Variants in PAX3 observed in about 807,000 individuals in gnomAD.
PAX3 encodes paired box protein Pax-3.
In PAX3, 14 loss-of-function variants were observed where a neutral mutation model predicts 51.6. The ratio of observed to expected loss-of-function variants is 0.27; its 90% CI spans 0.18 to 0.42. PAX3 has a LOEUF of 0.42. PAX3 is among the 10% of genes least tolerant of loss of function. The pLI, the probability that PAX3 is intolerant of heterozygous loss-of-function variation, is 1.00. For missense variants in PAX3, 540 were observed against 642.8 expected (o/e 0.84, Z 1.73); for synonymous variants, 280 against 253.4 (o/e 1.11, Z -1.00).
intron 5 of PAX3, among the ~76,000 whole-genome samples, chr2:222,223,755 G>T (rs1403451378): frequency 2.0e-5 from 3 of 152,182 alleles, no homozygotes; most frequent in African/African-American, 4.8e-5. Context: ...CAAAAGTTTT[G>T]ATGTAACTTC....
intron 4 of PAX3, among the ~76,000 whole-genome samples, chr2:222,278,484 C>T (rs1285321285): frequency 6.6e-6 from 1 of 152,230 alleles, no homozygotes; most frequent in Admixed American, 6.5e-5. Flanking sequence ...CAGTTCCTTC[C>T]TAGTCTATGG....
chr2:222,242,472 C>T (rs1032915935), intron 4 of PAX3: 5 of 152,168 alleles, frequency 3.3e-5, no homozygotes, highest in African/African-American at 1.2e-4. Flanking sequence ...TGGAGGGATA[C>T]TGTCATCCCC....
At chr2:222,220,497 T>C in intron 6 of PAX3, 143 bp from the exon 7 acceptor site, 3 of 772,456 alleles carry the variant, frequency 3.9e-6, no homozygotes, top group Non-Finnish European at 6.8e-6. Flanking sequence ...TTTCTTAACC[T>C]GCAGGTGTAG....
intron 4 of PAX3, among the ~76,000 whole-genome samples, chr2:222,286,687 A>G (rs369080914): frequency 6.6e-6 from 1 of 152,374 alleles, no homozygotes; most frequent in East Asian, 1.9e-4. Context: ...TGTGCATCAA[A>G]TCAAATTCTT....
intron 4 of PAX3, among the ~76,000 whole-genome samples, chr2:222,243,132 G>A (rs1693082914): frequency 6.6e-6 from 1 of 152,112 alleles, no homozygotes; most frequent in East Asian, 1.9e-4. Context: ...GCCAAGATTA[G>A]CATGACACGA....
At chr2:222,217,217 A>G (rs1691998351) in intron 7 of PAX3, among the ~76,000 whole-genome samples, 1 of 152,220 alleles carries the variant, frequency 6.6e-6, no homozygotes, top group Non-Finnish European at 1.5e-5. Flanking sequence ...TTATTTATCT[A>G]CAATGAACAT....
intron 4 of PAX3, among the ~76,000 whole-genome samples, chr2:222,272,743 C>T (rs1190578002): frequency 6.6e-6 from 1 of 152,138 alleles, no homozygotes; most frequent in African/African-American, 2.4e-5. Context: ...AATCTTTTTC[C>T]TCTTTCATGT....
At chr2:222,266,569 T>C (rs555533902) in intron 4 of PAX3, among the ~76,000 whole-genome samples, 3 of 152,342 alleles carry the variant, frequency 2.0e-5, no homozygotes, top group African/African-American at 7.2e-5. Context: ...GTTCTAGATT[T>C]GCGCAAACCT....
chr2:222,212,250 C>A (rs1691766556), intron 7 of PAX3, among the ~76,000 whole-genome samples: 1 of 152,060 alleles, frequency 6.6e-6, no homozygotes, highest in Non-Finnish European at 1.5e-5. Flanking sequence ...TTTTTTAACG[C>A]AATCTGCCCA....
At chr2:222,234,386 A>T (rs898859938) in intron 4 of PAX3, among the ~76,000 whole-genome samples, 1 of 152,234 alleles carries the variant, frequency 6.6e-6, no homozygotes, top group Non-Finnish European at 1.5e-5. Context: ...ATTTTAAAGG[A>T]CAATTAACAT....
At chr2:222,207,983 A>T (rs1209916770) in intron 7 of PAX3, among the ~76,000 whole-genome samples, 1 of 141,988 alleles carries the variant, frequency 7.0e-6, no homozygotes, top group Non-Finnish European at 1.6e-5. Context: ...GTATATGTAT[A>T]TATATACATA....
chr2:222,296,047 A>T (rs1272656715), intron 2 of PAX3, among the ~76,000 whole-genome samples: 2 of 152,266 alleles, frequency 1.3e-5, no homozygotes, highest in Admixed American at 6.5e-5. Flanking sequence ...CTGAAAAATC[A>T]AGTTAAATCT....
At chr2:222,277,817 C>G (rs543347304) in intron 4 of PAX3, among the ~76,000 whole-genome samples, 60 of 151,698 alleles carry the variant, frequency 4.0e-4, no homozygotes, top group Non-Finnish European at 7.4e-4. Flanking sequence ...GCCTGTAGTC[C>G]CAGCTACTCG....
Position 222,298,976 on chromosome 2 carries a change from C to T in PAX3, c.-361G>A, listed in dbSNP as rs530140224. Reference sequence around the variant, plus strand: ...GCTGGAGCGCGGCCTGCCTGAGTCTCCTCCTGTGGTGACACCGAGTGCGGG... The same window carrying T: ...GCTGGAGCGCGGCCTGCCTGAGTCTTCTCCTGTGGTGACACCGAGTGCGGG... On this transcript the variant is annotated 5_prime_UTR_variant, in exon 1 of 9. Coordinates refer to ENST00000392070, the MANE Select transcript of PAX3 (RefSeq NM_181458.4). 1.4e-5 allele frequency: 6 copies of T among 431,176 alleles called. No individual in the cohort carries two copies. The highest frequency in any genetic ancestry group is 9.8e-5 in the African/African-American group (5 of 50,972). 26.7% of individuals were successfully genotyped at this position (431,176 alleles called of 1,614,324 possible).
intron 4 of PAX3, among the ~76,000 whole-genome samples, chr2:222,274,119 C>T (rs1694340749): frequency 6.6e-6 from 1 of 152,154 alleles, no homozygotes. Flanking sequence ...GCTCCCTCTC[C>T]TCTCAAATGC....
At chr2:222,267,960 G>C (rs1392111145) in intron 4 of PAX3, among the ~76,000 whole-genome samples, 1 of 152,182 alleles carries the variant, frequency 6.6e-6, no homozygotes, top group African/African-American at 2.4e-5. Flanking sequence ...TTAAAATGCA[G>C]AGCAACTGAG....
intron 4 of PAX3, among the ~76,000 whole-genome samples, chr2:222,248,907 A>G (rs1404493251): frequency 6.6e-6 from 1 of 152,218 alleles, no homozygotes; most frequent in Non-Finnish European, 1.5e-5. Context: ...GGTATGATAC[A>G]GCATTATCCC....
chr2:222,274,533 T>C (rs1186903583), intron 4 of PAX3, among the ~76,000 whole-genome samples: 3 of 117,540 alleles, frequency 2.6e-5, no homozygotes, highest in Admixed American at 7.8e-5. Context: ...AGTTTTTTGT[T>C]TTTTTTTTTA....
chr2:222,253,595 A>AT (rs1693520505), intron 4 of PAX3, among the ~76,000 whole-genome samples: 1 of 152,046 alleles, frequency 6.6e-6, no homozygotes, highest in South Asian at 2.1e-4. Flanking sequence ...CAAGAAAAAA[A>AT]TAAGTCAAAG....
Sources: allele counts gnomAD v4.1 joint callset (sites outside exome capture counted in the v4.1 genomes callset), GRCh38; gene constraint gnomAD v4.1.1; transcripts MANE v1.5; gene names NCBI Gene and HGNC (gene_info 2026-07-23, HGNC 2026-07-21).